AUTS2: variants seen among roughly 807,000 people sequenced by gnomAD.
The protein encoded by AUTS2 is autism susceptibility gene 2 protein.
A neutral mutation model predicts 112.4 loss-of-function variants in AUTS2; 17 were observed. That is an observed-to-expected ratio of 0.15 (90% confidence interval 0.10 to 0.23). The LOEUF (loss-of-function observed/expected upper bound fraction) is 0.23, where lower values mean the gene tolerates loss of function less well. AUTS2 is among the 10% of genes least tolerant of loss of function. The pLI, the probability that AUTS2 is intolerant of heterozygous loss-of-function variation, is 1.00. For missense variants in AUTS2, 1,510 were observed against 1,701.6 expected, an observed-to-expected ratio of 0.89 and a Z score of 1.98; for synonymous variants, 751 against 702.7, an observed-to-expected ratio of 1.07 and a Z score of -1.09.
chr7:70,046,068 C>T (rs1801491521), intron 2 of AUTS2, among the ~76,000 whole-genome samples: 1 of 152,014 alleles, frequency 6.6e-6, no homozygotes, highest in Admixed American at 6.6e-5. Flanking sequence ...ATATTAATAA[C>T]CAAAATTAGC....
At chr7:70,280,259 CT>C (rs890192336) in intron 4 of AUTS2, among the ~76,000 whole-genome samples, 13 of 149,716 alleles carry the variant, frequency 8.7e-5, no homozygotes, top group Admixed American at 5.3e-4. Flanking sequence ...GTGAGGGAAA[CT>C]TTTTTTTTCT....
intron 5 of AUTS2, among the ~76,000 whole-genome samples, chr7:70,469,083 A>G (rs533786056): frequency 1.7e-4 from 26 of 152,364 alleles, no homozygotes; most frequent in African/African-American, 3.8e-4. Context: ...TCAGATGGCC[A>G]AGTCAGAATT....
At chr7:69,764,840 T>A (rs1788350853) in intron 1 of AUTS2, among the ~76,000 whole-genome samples, 3 of 152,190 alleles carry the variant, frequency 2.0e-5, no homozygotes, top group African/African-American at 7.2e-5. Context: ...ATTAGCCCCT[T>A]GCATGCAAAC....
intron 1 of AUTS2, among the ~76,000 whole-genome samples, chr7:69,743,361 G>A (rs1278886818): frequency 3.3e-5 from 5 of 152,000 alleles, no homozygotes; most frequent in Non-Finnish European, 7.4e-5. Context: ...CCATATTGTT[G>A]ACTTTCAGAA....
intron 2 of AUTS2, among the ~76,000 whole-genome samples, chr7:70,033,788 CTG>C (rs924548120): frequency 3.3e-5 from 5 of 151,820 alleles, no homozygotes; most frequent in Non-Finnish European, 5.9e-5. Flanking sequence ...TAGAATATAA[CTG>C]TGGTTATTCA....
intron 5 of AUTS2, among the ~76,000 whole-genome samples, chr7:70,541,688 AT>A (rs1800558897): frequency 6.6e-6 from 1 of 152,130 alleles, no homozygotes; most frequent in South Asian, 2.1e-4. Flanking sequence ...TTCCCTCACA[AT>A]TTATTGGGAG....
intron 4 of AUTS2, among the ~76,000 whole-genome samples, chr7:70,400,994 A>G (rs966158440): frequency 5.9e-5 from 9 of 152,190 alleles, no homozygotes; most frequent in African/African-American, 1.7e-4. Context: ...CCTGCTTGCA[A>G]CAACAATCCC....
chr7:70,659,417 TC>T (rs1365875278), intron 5 of AUTS2, among the ~76,000 whole-genome samples: 1 of 152,150 alleles, frequency 6.6e-6, no homozygotes, highest in Non-Finnish European at 1.5e-5. Flanking sequence ...CCATGTGCGG[TC>T]CGGGCTGAGA....
chr7:70,057,271 C>A (rs761291364), intron 2 of AUTS2, among the ~76,000 whole-genome samples: 1 of 152,062 alleles, frequency 6.6e-6, no homozygotes, highest in Non-Finnish European at 1.5e-5. Context: ...TATCACATGC[C>A]GTTTACCAGG....
At chr7:70,075,166 A>G (rs1030791022) in intron 2 of AUTS2, among the ~76,000 whole-genome samples, 1 of 152,244 alleles carries the variant, frequency 6.6e-6, no homozygotes, top group African/African-American at 2.4e-5. Context: ...CCCACTGGAC[A>G]TCAAAAGATT....
At chr7:69,615,559 T>A (rs1402936756) in intron 1 of AUTS2, among the ~76,000 whole-genome samples, 12 of 152,184 alleles carry the variant, frequency 7.9e-5, no homozygotes, top group Admixed American at 7.9e-4. Flanking sequence ...TGCCTCAGCC[T>A]CCCAAAGTGC....
chr7:70,678,341 T>C (rs1217686971), intron 5 of AUTS2, among the ~76,000 whole-genome samples: 4 of 152,158 alleles, frequency 2.6e-5, no homozygotes, highest in Admixed American at 1.3e-4. Flanking sequence ...CTGTTGGATT[T>C]AAGGAAAGAT....
intron 1 of AUTS2, among the ~76,000 whole-genome samples, chr7:69,802,086 G>C (rs150034278): frequency 6.6e-6 from 1 of 152,176 alleles, no homozygotes; most frequent in Non-Finnish European, 1.5e-5. Flanking sequence ...TGTTTATTAC[G>C]TTGGCCAGAC....
intron 4 of AUTS2, among the ~76,000 whole-genome samples, chr7:70,282,129 C>G (rs1788246534): frequency 6.6e-6 from 1 of 152,144 alleles, no homozygotes; most frequent in South Asian, 2.1e-4. Flanking sequence ...GCATGTTAAC[C>G]TTGTGGGGCT....
intron 5 of AUTS2, among the ~76,000 whole-genome samples, chr7:70,683,865 T>C (rs1808329333): frequency 6.6e-6 from 1 of 152,176 alleles, no homozygotes; most frequent in South Asian, 2.1e-4. Context: ...ATGGCCATAG[T>C]AGGGTTTCCC....
chr7:69,911,126 G>A (rs1020942164), intron 2 of AUTS2, among the ~76,000 whole-genome samples: 6 of 152,234 alleles, frequency 3.9e-5, no homozygotes, highest in Non-Finnish European at 1.5e-5. Context: ...CTGGGGTATG[G>A]CCACTGCTCA....
chr7:69,954,938 C>T (rs1257534199), intron 2 of AUTS2, among the ~76,000 whole-genome samples: 1 of 152,152 alleles, frequency 6.6e-6, no homozygotes, highest in African/African-American at 2.4e-5. Flanking sequence ...TCTGTAAGAA[C>T]CCATCATGAT....
At chr7:69,980,864 G>A (rs1220952815) in intron 2 of AUTS2, among the ~76,000 whole-genome samples, 1 of 152,134 alleles carries the variant, frequency 6.6e-6, no homozygotes, top group African/African-American at 2.4e-5. Flanking sequence ...TTTTAGAATG[G>A]TATATTGATT....
At chr7:70,722,188 G>C (rs1286783816) in intron 6 of AUTS2, among the ~76,000 whole-genome samples, 1 of 152,038 alleles carries the variant, frequency 6.6e-6, no homozygotes, top group Non-Finnish European at 1.5e-5. Flanking sequence ...AGTTTAAAGA[G>C]CCCAGGCTGG....
Sources: allele counts gnomAD v4.1 joint callset (sites outside exome capture counted in the v4.1 genomes callset), GRCh38; gene constraint gnomAD v4.1.1; transcripts MANE v1.5; gene names NCBI Gene and HGNC (gene_info 2026-07-23, HGNC 2026-07-21).